The following TERF1 variants were observed in gnomAD, a reference collection of about 807,000 sequenced individuals.
The protein encoded by TERF1 is telomeric repeat-binding factor 1.
In TERF1, 20 loss-of-function variants were observed where a neutral mutation model predicts 55.1. That is an observed-to-expected ratio of 0.36 (90% CI 0.26 to 0.53). The LOEUF is 0.53. Among genes scored for constraint, TERF1 ranks in the 20% least tolerant of loss-of-function variants. The pLI is 0.91. For missense variants in TERF1, 439 were observed against 535.7 expected (o/e 0.82, Z 1.78); for synonymous variants, 168 against 181.2 (o/e 0.93, Z 0.59).
intron 2 of TERF1, 69 bp from the exon 3 acceptor site, chr8:73,020,615 G>A: frequency 7.4e-7 from 1 of 1,351,480 alleles, no homozygotes; most frequent in Non-Finnish European, 1.0e-6. Context: ...TTAAAGGAAT[G>A]CATTATTAAA....
intron 9 of TERF1, 76 bp downstream of exon 9, chr8:73,039,295 T>C: frequency 9.3e-7 from 1 of 1,074,880 alleles, no homozygotes; most frequent in Non-Finnish European, 1.3e-6. Context: ...ATTATTTCTG[T>C]TCAACCTCCC....
intron 8 of TERF1, among the ~76,000 whole-genome samples, chr8:73,037,708 A>G (rs1563471882): frequency 2.3e-5 from 2 of 86,086 alleles, no homozygotes; most frequent in East Asian, 2.6e-4. Flanking sequence ...ATAATATTAT[A>G]TTATATATAA....
chr8:73,044,179 T>C (rs571264371), intron 9 of TERF1, among the ~76,000 whole-genome samples: 3 of 152,268 alleles, frequency 2.0e-5, no homozygotes, highest in East Asian at 3.9e-4. Flanking sequence ...CAGGCAGTAA[T>C]AGATGGTCAT....
At chr8:73,025,093 A>C in intron 5 of TERF1, 122 bp downstream of exon 5, 2 of 600,614 alleles carry the variant, frequency 3.3e-6, no homozygotes, top group Non-Finnish European at 5.2e-6. Flanking sequence ...TTTTGTAGAA[A>C]GGTGTGGTAA....
chr8:73,027,957 T>G (rs1190305428), intron 6 of TERF1, among the ~76,000 whole-genome samples: 1 of 152,190 alleles, frequency 6.6e-6, no homozygotes, highest in African/African-American at 2.4e-5. Flanking sequence ...CATGACTTGT[T>G]CCTCAGGGGT....
intron 8 of TERF1, among the ~76,000 whole-genome samples, chr8:73,033,845 T>A (rs1809400257): frequency 6.6e-6 from 1 of 152,234 alleles, no homozygotes. Flanking sequence ...CAGTAATAAG[T>A]ACGTTTTCTT....
In TERF1 at chr8:73,039,939, C is replaced by T. The variant is rs543983338; in HGVS notation, c.1143+720C>T. Among the ~76,000 whole-genome samples, 9 of 150,952 alleles carry T rather than the reference C, an allele frequency of 6.0e-5. No individual in the cohort carries two copies. The South Asian group carries it at 1.9e-3, about 32-fold the overall frequency. ...GTGCTGGGACTGTAGGCATGAGCTA[C>T]TGCACCCAGTCAGGCCCTTGTTTTC... is the stretch of plus-strand genomic sequence containing the variant. On this transcript the variant is annotated intron_variant, in intron 9 of 9. Transcript: ENST00000276603.
chr8:73,024,972 G>T lies in TERF1; in HGVS notation c.774+1G>T, dbSNP rs1586043275. The T allele has an allele frequency of 1.3e-6, 2 of 1,534,750 alleles. No individual in the cohort carries two copies. Among genetic ancestry groups the T allele is most frequent in the Non-Finnish European group, 1.8e-6 (2 of 1,135,700 alleles). ...AAAATCATCAACCTTTCTAATGAAG[G>T]TATACATATTATTCAAGAGTGACTA... On this transcript the variant is annotated splice_donor_variant, in intron 5 of 9. Transcript: ENST00000276603. LOFTEE classifies it high-confidence loss of function.
intron 2 of TERF1, among the ~76,000 whole-genome samples, chr8:73,015,538 C>A (rs1368841342): frequency 6.6e-6 from 1 of 151,816 alleles, no homozygotes; most frequent in South Asian, 2.1e-4. Context: ...CCTGTCTCTA[C>A]AAAAAATTTA....
At chr8:73,034,956 A>G (rs1809449796) in intron 8 of TERF1, among the ~76,000 whole-genome samples, 1 of 152,216 alleles carries the variant, frequency 6.6e-6, no homozygotes, top group African/African-American at 2.4e-5. Flanking sequence ...TCAGTAGAAG[A>G]ATGTATAGAT....
At chr8:73,036,273 C>T (rs1586059981) in intron 8 of TERF1, among the ~76,000 whole-genome samples, 1 of 152,122 alleles carries the variant, frequency 6.6e-6, no homozygotes, top group South Asian at 2.1e-4. Context: ...TGCTTAATTG[C>T]CTATCTGACT....
In TERF1 at chr8:73,009,191, G is replaced by A; in HGVS notation, c.305G>A (p.Arg102His). Residue 102 changes from arginine to histidine, a missense_variant, in exon 1 of 10, where the codon CGC becomes CAC. Physicochemically the swap from Arg to His is conservative, Grantham distance 29. Coordinates refer to ENST00000276603, the MANE Select transcript of TERF1 (RefSeq NM_017489.3). ...DGRSEDFRRT[R>H]NSAEAIIHGL... ...CGCTCCGAGGACTTCCGCAGGACCC[G>A]CAACAGCGCAGAGGGTGAGTGCAGA... 6.2e-7 allele frequency: 1 copy of A among 1,610,292 alleles called. No individual in the cohort carries two copies. Among genetic ancestry groups the A allele is most frequent in the Non-Finnish European group, 8.5e-7 (1 of 1,179,812 alleles).
At chr8:73,020,617 A>T in intron 2 of TERF1, 67 bp from the exon 3 acceptor site, 1 of 1,398,108 alleles carries the variant, frequency 7.2e-7, no homozygotes, top group Non-Finnish European at 9.8e-7. Context: ...AAAGGAATGC[A>T]TTATTAAAAA....
At chr8:73,044,566 A>G (rs1563476872) in intron 9 of TERF1, among the ~76,000 whole-genome samples, 1 of 152,040 alleles carries the variant, frequency 6.6e-6, no homozygotes, top group Non-Finnish European at 1.5e-5. Context: ...AAAATTTACC[A>G]TTTGCCATTT....
chr8:73,036,292 A>T (rs1809504593), intron 8 of TERF1, among the ~76,000 whole-genome samples: 2 of 152,208 alleles, frequency 1.3e-5, no homozygotes, highest in Non-Finnish European at 2.9e-5. Flanking sequence ...CTGGCTATAG[A>T]AAATGCACTA....
intron 9 of TERF1, among the ~76,000 whole-genome samples, chr8:73,041,596 C>T (rs1809834510): frequency 6.6e-6 from 1 of 152,136 alleles, no homozygotes; most frequent in Non-Finnish European, 1.5e-5. Flanking sequence ...GGTAAAACCT[C>T]AGTTGGTTAG....
chr8:73,032,662 A>G (rs1281067230), intron 8 of TERF1, among the ~76,000 whole-genome samples: 1 of 152,152 alleles, frequency 6.6e-6, no homozygotes, highest in East Asian at 1.9e-4. Context: ...CCCATTTCTC[A>G]GAACATATCC....
rs565070647 is a variant in TERF1 at position 73,022,543 on chromosome 8, C to T, written c.624+241C>T. Among the ~76,000 whole-genome samples, 13 of 152,232 alleles carry T rather than the reference C, an allele frequency of 8.5e-5. No homozygotes were observed. The South Asian group carries it at 2.7e-3, about 32-fold the overall frequency. ...GGCTGAGGTGGGAGGATCTCTTGAG[C>T]TCAGGCATTCGAGACCAGCCTGGGC... is the stretch of plus-strand genomic sequence containing the variant. On this transcript the variant is annotated intron_variant, in intron 4 of 9. Coordinates refer to ENST00000276603, the MANE Select transcript of TERF1 (RefSeq NM_017489.3).
chr8:73,022,116 C>A, intron 3 of TERF1, 100 bp from the exon 4 acceptor site: 1 of 642,712 alleles, frequency 1.6e-6, no homozygotes, highest in Non-Finnish European at 2.6e-6. Context: ...TAAAAATGTT[C>A]TCAACAGAGG....
Sources: allele counts gnomAD v4.1 joint callset (sites outside exome capture counted in the v4.1 genomes callset), GRCh38; gene constraint gnomAD v4.1.1; transcripts MANE v1.5; gene names NCBI Gene and HGNC (gene_info 2026-07-23, HGNC 2026-07-21).